Variants in JMJD1C observed in about 807,000 individuals in gnomAD.
The protein encoded by JMJD1C is jumonji domain-containing protein 1C.
In JMJD1C, 31 loss-of-function variants were observed where a neutral mutation model predicts 245.3. That is an observed-to-expected ratio of 0.13 (90% CI 0.09 to 0.17). JMJD1C has a LOEUF of 0.17. Among genes scored for constraint, JMJD1C ranks in the 10% least tolerant of loss-of-function variants. The pLI, the probability that JMJD1C is intolerant of heterozygous loss-of-function variation, is 1.00. For synonymous variants in JMJD1C, 1,057 were observed against 1,017.4 expected, an observed-to-expected ratio of 1.04 and a Z score of -0.74; for missense variants, 2,691 against 3,000.2, an observed-to-expected ratio of 0.90 and a Z score of 2.41.
chr10:63,284,857 TCACACACACACACACACACACACACACA>T (rs57860875), intron 2 of JMJD1C, among the ~76,000 whole-genome samples: 11 of 135,366 alleles, frequency 8.1e-5, no homozygotes, highest in African/African-American at 2.8e-4. Context: ...CAGGGAAGAT[TCACACACACACACACACACACACACACA>T]CACACACACA....
intron 2 of JMJD1C, among the ~76,000 whole-genome samples, chr10:63,280,018 G>A (rs1045201033): frequency 6.6e-6 from 1 of 151,796 alleles, no homozygotes; most frequent in Non-Finnish European, 1.5e-5. Flanking sequence ...GAGTGTGGTG[G>A]CACACACCTG....
chr10:63,498,247 A>G (rs1057173227), intron 1 of JMJD1C, among the ~76,000 whole-genome samples: 2 of 152,180 alleles, frequency 1.3e-5, no homozygotes, highest in Admixed American at 6.5e-5. Flanking sequence ...TAGTCTGCAT[A>G]AGAAGATGAA....
chr10:63,202,418 T>C lies in JMJD1C; in HGVS notation c.5075-1741A>G, dbSNP rs534014055. 43 of 985,462 alleles carry C rather than the reference T, an allele frequency of 4.4e-5. No individual in the cohort carries two copies. The South Asian group carries it at 1.9e-3, about 43-fold the overall frequency. The allele number at this position is 985,462 out of a possible 1,614,324, so 61.0% of individuals were successfully genotyped here. On this transcript the variant is annotated intron_variant, in intron 10 of 25. Transcript: ENST00000399262. Reference sequence around the variant, plus strand: ...GCTGAAAGAATAAAACTGTATTTCCTACCCTTGTGTTTTCTAATCATGCCC... The same window carrying C: ...GCTGAAAGAATAAAACTGTATTTCCCACCCTTGTGTTTTCTAATCATGCCC...
intron 10 of JMJD1C, chr10:63,203,974 G>T: frequency 1.0e-6 from 1 of 983,802 alleles, no homozygotes; most frequent in Non-Finnish European, 1.2e-6. Context: ...CCTGACTTAT[G>T]AAAACTCCCA....
chr10:63,425,092 T>A (rs1950363556), intron 1 of JMJD1C, among the ~76,000 whole-genome samples: 1 of 152,176 alleles, frequency 6.6e-6, no homozygotes, highest in East Asian at 1.9e-4. Context: ...CTGCTATTTC[T>A]AATTTTAGAA....
At chr10:63,470,981 G>A (rs1564956140) in intron 1 of JMJD1C, among the ~76,000 whole-genome samples, 1 of 152,102 alleles carries the variant, frequency 6.6e-6, no homozygotes, top group African/African-American at 2.4e-5. Flanking sequence ...GCTGAGTGAG[G>A]AACTACAAGA....
intron 3 of JMJD1C, among the ~76,000 whole-genome samples, chr10:63,257,636 T>C (rs1435430513): frequency 1.3e-5 from 2 of 152,246 alleles, no homozygotes; most frequent in African/African-American, 2.4e-5. Flanking sequence ...TGAATATCAC[T>C]TCTACTTTCT....
At chr10:63,355,954 A>G (rs1944807019) in intron 2 of JMJD1C, among the ~76,000 whole-genome samples, 1 of 152,206 alleles carries the variant, frequency 6.6e-6, no homozygotes. Flanking sequence ...AAATAAATTC[A>G]TCTTGTGTTC....
At chr10:63,228,634 A>T (rs996089158) in intron 3 of JMJD1C, among the ~76,000 whole-genome samples, 1 of 152,204 alleles carries the variant, frequency 6.6e-6, no homozygotes, top group African/African-American at 2.4e-5. Context: ...GTATGAAGCA[A>T]GATTAAAAAC....
intron 2 of JMJD1C, among the ~76,000 whole-genome samples, chr10:63,267,149 T>C (rs1855674475): frequency 6.6e-6 from 1 of 152,198 alleles, no homozygotes. Flanking sequence ...TATATCATGC[T>C]TCTTAAATAG....
intron 1 of JMJD1C, among the ~76,000 whole-genome samples, chr10:63,418,822 G>A (rs951832663): frequency 6.6e-6 from 1 of 152,186 alleles, no homozygotes; most frequent in Non-Finnish European, 1.5e-5. Flanking sequence ...GTTCATGCCT[G>A]TAATCCCAGC....
intron 1 of JMJD1C, among the ~76,000 whole-genome samples, chr10:63,438,783 C>T (rs1381624952): frequency 6.6e-6 from 1 of 152,116 alleles, no homozygotes; most frequent in Non-Finnish European, 1.5e-5. Context: ...TCCTTGTTTC[C>T]TTCAGGTCTT....
At chr10:63,357,042 T>G (rs1203518889) in intron 2 of JMJD1C, among the ~76,000 whole-genome samples, 2 of 151,838 alleles carry the variant, frequency 1.3e-5, no homozygotes, top group Non-Finnish European at 2.9e-5. Flanking sequence ...TGACATTATA[T>G]CTTTTTTTTT....
At chr10:63,504,949 T>A (rs556719761) in intron 1 of JMJD1C, among the ~76,000 whole-genome samples, 362 of 151,598 alleles carry the variant, frequency 2.4e-3, no homozygotes, top group Non-Finnish European at 3.7e-3. Flanking sequence ...GCCCAGGAGT[T>A]TGAGGTGAGC....
At chr10:63,369,307 A>T (rs774614915) in intron 2 of JMJD1C, among the ~76,000 whole-genome samples, 1 of 151,728 alleles carries the variant, frequency 6.6e-6, no homozygotes, top group African/African-American at 2.4e-5. Flanking sequence ...ACACCTGGCT[A>T]ATTTTTGTAT....
At chr10:63,232,118 G>A (rs1403501052) in intron 3 of JMJD1C, among the ~76,000 whole-genome samples, 4 of 151,994 alleles carry the variant, frequency 2.6e-5, no homozygotes, top group Admixed American at 2.0e-4. Flanking sequence ...AATTACAGGC[G>A]TGAGCCACAG....
rs902574835 is a variant in JMJD1C at position 63,305,391 on chromosome 10, G to C, written c.334-40627C>G. Among the ~76,000 whole-genome samples, 4 of 136,768 alleles carry C rather than the reference G, an allele frequency of 2.9e-5. 1 individual carries two copies. The highest frequency in any genetic ancestry group is 1.1e-4 in the African/African-American group (4 of 36,870). 89.7% of individuals were successfully genotyped at this position (136,768 alleles called of 152,430 possible). A position where few individuals can be genotyped will look rare whatever the true frequency, so the allele number is the denominator to read the frequency against. On this transcript the variant is annotated intron_variant, in intron 2 of 25. Coordinates refer to ENST00000399262, the MANE Select transcript of JMJD1C (RefSeq NM_032776.3). ...CAAAAAAAAAACAAAAAACAAAAAA[G>C]GTTGCAGTGAGCTCTAATTGTACCA...
rs753294413 is a variant in JMJD1C, at chr10:63,207,308, G to A, written c.4361C>T (p.Ala1454Val). The A allele has an allele frequency of 1.4e-5, 23 of 1,613,596 alleles. No homozygotes were observed. Among genetic ancestry groups the A allele is most frequent in the Non-Finnish European group, 1.9e-5 (22 of 1,180,028 alleles). Reference sequence around the variant, plus strand: ...CTTACTACTGGCTAATGTAACTGGTGCTGTGGTGCTGACCTTGCATTCTTG... The same window carrying A: ...CTTACTACTGGCTAATGTAACTGGTACTGTGGTGCTGACCTTGCATTCTTG... ...QKQECKVSTT[A>V]PVTLASSKTG... The change falls in exon 10 of 26, where the codon GCA becomes GTA. Residue 1454 changes from alanine to valine, a missense_variant. By Grantham distance (64) the Ala-to-Val change is moderately conservative. Around this residue, in one of 9 missense-constraint regions of JMJD1C, gnomAD observed 1,562 missense variants for 1,490.7 expected, o/e 1.05. Transcript: ENST00000399262.
chr10:63,396,317 GA>G (rs1194969564), intron 1 of JMJD1C, among the ~76,000 whole-genome samples: 11 of 152,124 alleles, frequency 7.2e-5, no homozygotes, highest in Non-Finnish European at 4.4e-5. Flanking sequence ...GAAGATTACT[GA>G]ACTTATACCC....
Sources: gnomAD v4.1 joint callset for allele counts (sites outside exome capture counted in the v4.1 genomes callset) on GRCh38, gnomAD v4.1.1 for gene constraint, gnomAD v4.1.1 regional missense constraint, MANE v1.5 for transcripts, NCBI Gene and HGNC (gene_info 2026-07-23, HGNC 2026-07-21) for gene names.